Variants in ZUP1 observed in about 807,000 individuals in gnomAD.
ZUP1 encodes the protein zinc finger containing ubiquitin peptidase 1.
A neutral mutation model predicts 68.1 loss-of-function variants in ZUP1; 55 were observed. The ratio of observed to expected loss-of-function variants is 0.81; its 90% CI spans 0.65 to 1.01. The LOEUF (loss-of-function observed/expected upper bound fraction) is 1.01. Among genes scored for constraint, ZUP1 ranks in the 50% least tolerant of loss-of-function variants. The pLI is 0.00. For missense variants in ZUP1, 684 were observed against 674.9 expected, an observed-to-expected ratio of 1.01 and a Z score of -0.15; for synonymous variants, 223 against 221.5, an observed-to-expected ratio of 1.01 and a Z score of -0.06.
chr6:116,664,854 A>G (rs1394195878), intron 2 of ZUP1, among the ~76,000 whole-genome samples: 2 of 150,902 alleles, frequency 1.3e-5, no homozygotes, highest in Admixed American at 6.6e-5. Context: ...CAAGTTCACA[A>G]AATATACACA....
At chr6:116,667,426 A>T (rs1396779344) in intron 1 of ZUP1, among the ~76,000 whole-genome samples, 1 of 152,146 alleles carries the variant, frequency 6.6e-6, no homozygotes, top group Non-Finnish European at 1.5e-5. Context: ...AATACAAGTA[A>T]TTTTAAAAAT....
chr6:116,650,198 G>A (rs942970838), intron 7 of ZUP1, among the ~76,000 whole-genome samples: 3 of 152,000 alleles, frequency 2.0e-5, no homozygotes, highest in Admixed American at 2.0e-4. Flanking sequence ...CGAGGCGGGT[G>A]GATCACCTGT....
chr6:116,660,058 T>A (rs930619037), intron 3 of ZUP1, among the ~76,000 whole-genome samples: 1 of 152,208 alleles, frequency 6.6e-6, no homozygotes, highest in African/African-American at 2.4e-5. Flanking sequence ...GAGTAAGAAT[T>A]AGCAGACATT....
intron 5 of ZUP1, among the ~76,000 whole-genome samples, chr6:116,653,416 T>G (rs1776573554): frequency 6.6e-6 from 1 of 152,044 alleles, no homozygotes; most frequent in African/African-American, 2.4e-5. Context: ...AACTAAATTC[T>G]TTTTGCTTGA....
chr6:116,642,895 T>A (rs1282767201), intron 9 of ZUP1, among the ~76,000 whole-genome samples: 1 of 152,182 alleles, frequency 6.6e-6, no homozygotes, highest in Admixed American at 6.5e-5. Flanking sequence ...GGAAGTCAAA[T>A]TGTCCCTGTT....
intron 9 of ZUP1, among the ~76,000 whole-genome samples, chr6:116,636,458 G>A (rs935384702): frequency 1.3e-5 from 2 of 152,142 alleles, no homozygotes; most frequent in African/African-American, 4.8e-5. Context: ...AAGGAACATG[G>A]CTATTGCATA....
intron 9 of ZUP1, among the ~76,000 whole-genome samples, chr6:116,641,367 C>A (rs1384928524): frequency 6.6e-6 from 1 of 152,134 alleles, no homozygotes; most frequent in African/African-American, 2.4e-5. Context: ...ACTCTCCACC[C>A]CAAATCAGCA....
chr6:116,638,992 C>T (rs1190861814), intron 9 of ZUP1, among the ~76,000 whole-genome samples: 6 of 152,204 alleles, frequency 3.9e-5, no homozygotes, highest in Non-Finnish European at 7.4e-5. Context: ...CCGAATACTG[C>T]GCTTTTCCGA....
chr6:116,645,590 A>C (rs1414922049), intron 9 of ZUP1, 124 bp downstream of exon 9: 3 of 760,298 alleles, frequency 3.9e-6, no homozygotes, highest in African/African-American at 3.6e-5. Context: ...CTCCAAAAAA[A>C]AAAAAAAAAA....
At chr6:116,645,144 TTAAATTAAAC>T (rs1244968935) in intron 9 of ZUP1, among the ~76,000 whole-genome samples, 6 of 145,128 alleles carry the variant, frequency 4.1e-5, no homozygotes, top group East Asian at 2.0e-4. Flanking sequence ...TTAAATTAAA[TTAAATTAAAC>T]ACTTTTATGA....
chr6:116,639,771 A>C (rs928710121), intron 9 of ZUP1, among the ~76,000 whole-genome samples: 3 of 152,376 alleles, frequency 2.0e-5, no homozygotes, highest in Non-Finnish European at 4.4e-5. Context: ...AACTCTAAAA[A>C]GCAGAGTGCC....
chr6:116,648,399 C>T (rs1356220464), intron 7 of ZUP1, among the ~76,000 whole-genome samples: 1 of 152,190 alleles, frequency 6.6e-6, no homozygotes, highest in Admixed American at 6.5e-5. Flanking sequence ...GAATTGCTAA[C>T]CTCAGCCTCA....
At position 116,652,063 on chromosome 6, in the gene ZUP1, T is replaced by C. The variant is rs1469811512; in HGVS notation, c.1091A>G (p.Asn364Ser). Residue 364 changes from asparagine (N) to serine (S), a missense_variant, in exon 6 of 10, where the codon AAT (asparagine) becomes AGT (serine). Coordinates refer to ENST00000368576, the MANE Select transcript of ZUP1 (RefSeq NM_145062.3). ...GDKGWGCGYR[N>S]FQMLLSSLLQ... The stretch of plus-strand genomic sequence containing the variant: ...TAATGATGAAAGTAGCATTTGGAAA[T>C]TTCTGTAACCACAACCCCAACCTTT... 16 of 1,613,846 alleles carry C rather than the reference T, an allele frequency of 9.9e-6. No individual in the cohort carries two copies. The highest frequency in any genetic ancestry group is 1.3e-5 in the African/African-American group (1 of 74,912).
chr6:116,666,807 A>G lies in ZUP1; in HGVS notation c.386T>C (p.Phe129Ser). Residue 129 changes from phenylalanine (F) to serine (S), a missense_variant, in exon 2 of 10, where the codon TTC becomes TCC. Phe to Ser is a radical substitution (Grantham distance 155). Transcript: ENST00000368576. ...GGACTGTTTTTCCCTACTTTTCAGGAATTTTCTAGATTCAGTTAAGTTCTC... is the reference window on the plus strand; with the variant it reads ...GGACTGTTTTTCCCTACTTTTCAGGGATTTTCTAGATTCAGTTAAGTTCTC... ...YSENLTESRK[F>S]LKSREKQSSL... 1 of 1,613,314 alleles carries G rather than the reference A, an allele frequency of 6.2e-7. No homozygotes were observed. Among genetic ancestry groups the G allele is most frequent in the Non-Finnish European group, 8.5e-7 (1 of 1,179,788 alleles).
At chr6:116,666,578 C>G (rs1257022081) in intron 2 of ZUP1, 56 bp downstream of exon 2, 6 of 1,421,716 alleles carry the variant, frequency 4.2e-6, no homozygotes, top group Admixed American at 2.4e-5. Context: ...TTTTAAAATA[C>G]CACATATTAA....
intron 4 of ZUP1, among the ~76,000 whole-genome samples, chr6:116,657,473 A>AT (rs1357674962): frequency 1.1e-4 from 17 of 152,244 alleles, no homozygotes; most frequent in Non-Finnish European, 1.9e-4. Flanking sequence ...TTTAAATTAC[A>AT]TAAGGCATAA....
intron 3 of ZUP1, chr6:116,660,148 A>G (rs1776791711): frequency 6.6e-6 from 1 of 152,278 alleles, no homozygotes; most frequent in African/African-American, 2.4e-5. Context: ...GAGCAGTAAC[A>G]TTGTCCATGA....
At chr6:116,663,864 T>C (rs1042703017) in intron 2 of ZUP1, among the ~76,000 whole-genome samples, 2 of 151,926 alleles carry the variant, frequency 1.3e-5, no homozygotes, top group Non-Finnish European at 2.9e-5. Flanking sequence ...GGAGAACCAC[T>C]TGAGCCCAGG....
At chr6:116,653,028 C>T (rs1776562186) in intron 5 of ZUP1, among the ~76,000 whole-genome samples, 1 of 152,036 alleles carries the variant, frequency 6.6e-6, no homozygotes, top group Non-Finnish European at 1.5e-5. Flanking sequence ...ACACCTGGCA[C>T]TATCTAAATG....
Sources: gnomAD v4.1 joint callset for allele counts (sites outside exome capture counted in the v4.1 genomes callset) on GRCh38, gnomAD v4.1.1 for gene constraint, MANE v1.5 for transcripts, NCBI Gene and HGNC (gene_info 2026-07-23, HGNC 2026-07-21) for gene names.